The following PADI4 variants were observed in gnomAD, a reference collection of about 807,000 sequenced individuals.
The protein encoded by PADI4 is protein-arginine deiminase type-4.
Under a neutral mutation model 75.0 loss-of-function variants are expected in PADI4, and 62 were observed. The ratio of observed to expected loss-of-function variants is 0.83; its 90% CI spans 0.67 to 1.02. The LOEUF (loss-of-function observed/expected upper bound fraction) is 1.02, where lower values mean the gene tolerates loss of function less well. Ranked by LOEUF, PADI4 falls within the 50% of genes least tolerant of loss-of-function variation. The probability of loss-of-function intolerance (pLI) is 0.00; values close to 1 mark genes in which losing one functional copy is unlikely to be tolerated. For synonymous variants in PADI4, 361 were observed against 348.1 expected, an observed-to-expected ratio of 1.04 and a Z score of -0.41; for missense variants, 845 against 850.5, an observed-to-expected ratio of 0.99 and a Z score of 0.08.
At chr1:17,331,170 G>C (rs771963718) in intron 2 of PADI4, 21 bp downstream of exon 2, 2 of 1,600,156 alleles carry the variant, frequency 1.2e-6, no homozygotes, top group South Asian at 2.2e-5. Flanking sequence ...TAGCTGTGGG[G>C]TGGCAGTGTG....
rs758140461 is a variant in PADI4 at position 17,340,050 on chromosome 1, G to GCACA, written c.652+238_652+239insACAC. 4.3e-3 allele frequency among the ~76,000 whole-genome samples: 637 copies of GCACA among 148,724 alleles called. 2 individuals are homozygous for GCACA. Among genetic ancestry groups the GCACA allele is most frequent in the African/African-American group, 0.011 (463 of 40,476 alleles). On this transcript the variant is annotated intron_variant, in intron 6 of 15. Coordinates refer to ENST00000375448, the MANE Select transcript of PADI4 (RefSeq NM_012387.3). ...CTTTCTCTCTCTCTCACACACGCGC[G>GCACA]CGCACACACACACACACACACACAC...
chr1:17,342,190 G>A lies in PADI4; in HGVS notation c.831+69G>A, dbSNP rs974509387. The A allele has an allele frequency of 2.6e-6, 4 of 1,521,514 alleles. No homozygotes were observed. In the Admixed American group the frequency reaches 5.0e-5, roughly 19 times the overall value. 94.3% of individuals were successfully genotyped at this position (1,521,514 alleles called of 1,614,324 possible). A position where few individuals can be genotyped will look rare whatever the true frequency, so the allele number is the denominator to read the frequency against. On this transcript the variant is annotated intron_variant, in intron 7 of 15. Coordinates refer to ENST00000375448, the MANE Select transcript of PADI4 (RefSeq NM_012387.3). The stretch of plus-strand genomic sequence containing the variant: ...GGCAGTGGCCTGGCTAGGGAAAGGG[G>A]TACAGAGCCCAGCTGGGCAGGGGGA...
At chr1:17,338,215 G>A (rs2074352308) in intron 5 of PADI4, 60 bp downstream of exon 5, 3 of 1,037,504 alleles carry the variant, frequency 2.9e-6, no homozygotes, top group Non-Finnish European at 4.6e-6. Flanking sequence ...TGCCCACATA[G>A]CCTGAACCTG....
At chr1:17,337,212 G>T (rs1001531634) in intron 4 of PADI4, among the ~76,000 whole-genome samples, 1 of 152,082 alleles carries the variant, frequency 6.6e-6, no homozygotes, top group East Asian at 1.9e-4. Context: ...GGAGTGCAGG[G>T]GCGGTTCACC....
intron 15 of PADI4, among the ~76,000 whole-genome samples, chr1:17,360,146 A>T (rs1460150197): frequency 1.3e-5 from 2 of 152,078 alleles, no homozygotes; most frequent in Non-Finnish European, 2.9e-5. Flanking sequence ...CGAAAATTAG[A>T]CAGGTGTCCT....
intron 5 of PADI4, among the ~76,000 whole-genome samples, 186 bp downstream of exon 5, chr1:17,338,341 G>A (rs1635584): frequency 0.63 from 95,833 of 152,024 alleles, 30,470 homozygotes; most frequent in Non-Finnish European, 0.67. Context: ...CCAAGCTCAC[G>A]CAGCGGTCAG....
Position 17,340,052 on chromosome 1 carries a change from G to GCACACA in PADI4, c.652+261_652+266dup, listed in dbSNP as rs937935130. On this transcript the variant is annotated intron_variant, in intron 6 of 15. Transcript: ENST00000375448. Reference sequence around the variant, plus strand: ...TTCTCTCTCTCTCACACACGCGCGCGCACACACACACACACACACACACAC... The same window carrying GCACACA: ...TTCTCTCTCTCTCACACACGCGCGCGCACACACACACACACACACACACACACACAC... Among the ~76,000 whole-genome samples the GCACACA allele has an allele frequency of 1.1e-4, 11 of 98,370 alleles. 2 individuals are homozygous for GCACACA. Among genetic ancestry groups the GCACACA allele is most frequent in the African/African-American group, 2.8e-4 (8 of 28,560 alleles). 64.5% of individuals were successfully genotyped at this position (98,370 alleles called of 152,430 possible).
chr1:17,342,088 C>T lies in PADI4; in HGVS notation c.798C>T (p.Thr266=). 3 of 1,614,070 alleles carry T rather than the reference C, an allele frequency of 1.9e-6. No individual in the cohort carries two copies. Among genetic ancestry groups the T allele is most frequent in the Non-Finnish European group, 2.5e-6 (3 of 1,180,004 alleles). Residue 266 remains threonine, a synonymous_variant, in exon 7 of 16, where the codon ACC becomes ACT. Transcript: ENST00000375448. ...FPDTDFPGLI[T]LTISLLDTSN... ...ACACCGACTTCCCGGGGCTCATTACCCTCACCATCTCCCTGCTGGACACGT... is the reference window on the plus strand; with the variant it reads ...ACACCGACTTCCCGGGGCTCATTACTCTCACCATCTCCCTGCTGGACACGT...
intron 1 of PADI4, among the ~76,000 whole-genome samples, chr1:17,318,754 T>C (rs1472730000): frequency 6.6e-6 from 1 of 151,584 alleles, no homozygotes; most frequent in African/African-American, 2.4e-5. Flanking sequence ...GGCGCGATCT[T>C]GGCTCACTGC....
chr1:17,334,339 G>C (rs535608195), intron 3 of PADI4: 2 of 408,100 alleles, frequency 4.9e-6, no homozygotes, highest in East Asian at 1.5e-4. Flanking sequence ...GTCTCACCCT[G>C]TCACCCAGGC....
chr1:17,317,434 A>T (rs575288857), intron 1 of PADI4, among the ~76,000 whole-genome samples: 1 of 150,688 alleles, frequency 6.6e-6, no homozygotes, highest in South Asian at 2.1e-4. Context: ...ACACCTGGCT[A>T]ATTTTTTTGT....
At chr1:17,329,254 A>G (rs1382867296) in intron 1 of PADI4, among the ~76,000 whole-genome samples, 3 of 150,868 alleles carry the variant, frequency 2.0e-5, no homozygotes, top group African/African-American at 4.9e-5. Flanking sequence ...TGAACCCAGG[A>G]GGCAGAGCTT....
rs543476865 is a variant in PADI4 at position 17,356,854 on chromosome 1, A to G, written c.1558+395A>G. The stretch of plus-strand genomic sequence containing the variant: ...GACGGGGGTGGGGCGGCTCAGAGGC[A>G]GGAGAAAGCACGATGTGTGTGAGGA... On this transcript the variant is annotated intron_variant, in intron 13 of 15. Coordinates refer to ENST00000375448, the MANE Select transcript of PADI4 (RefSeq NM_012387.3). The surrounding 1 kb of genome is among the most constrained non-coding windows in gnomAD (Gnocchi z 4.1). Among the ~76,000 whole-genome samples, 1 of 152,222 alleles carries G rather than the reference A, an allele frequency of 6.6e-6. No homozygotes were observed. Among genetic ancestry groups the G allele is most frequent in the South Asian group, 2.1e-4 (1 of 4,816 alleles).
At chr1:17,320,478 C>T (rs992071564) in intron 1 of PADI4, among the ~76,000 whole-genome samples, 5 of 152,196 alleles carry the variant, frequency 3.3e-5, no homozygotes, top group Admixed American at 2.6e-4. Context: ...TGATTATATG[C>T]TAAACAAGGG....
chr1:17,357,893 T>C lies in PADI4; in HGVS notation c.1559-945T>C, dbSNP rs1454385220. On this transcript the variant is annotated intron_variant, in intron 13 of 15. Coordinates refer to ENST00000375448, the MANE Select transcript of PADI4 (RefSeq NM_012387.3). ...TTGCAGTGAGCCAAGAATGTGCCAC[T>C]GCACTCTAGCCTGGGTGACAGAGCA... Among the ~76,000 whole-genome samples the C allele has an allele frequency of 2.7e-5, 4 of 145,696 alleles. No individual in the cohort carries two copies. The East Asian group carries it at 8.1e-4, about 30-fold the overall frequency.
intron 1 of PADI4, among the ~76,000 whole-genome samples, chr1:17,325,443 T>C (rs1466886763): frequency 6.6e-6 from 1 of 152,058 alleles, no homozygotes; most frequent in Non-Finnish European, 1.5e-5. Flanking sequence ...TTATTGCTGA[T>C]GTATAGAAAT....
rs1570068713 is a variant in PADI4, at chr1:17,347,695, G to A, written c.1048-246G>A. Reference sequence around the variant, plus strand: ...TGCTCACCAGGGGTCCCCAGCACTGGCCCAGGCACCACCAGGAGTAGGAGG... The same window carrying A: ...TGCTCACCAGGGGTCCCCAGCACTGACCCAGGCACCACCAGGAGTAGGAGG... On this transcript the variant is annotated intron_variant, in intron 9 of 15. Coordinates refer to ENST00000375448, the MANE Select transcript of PADI4 (RefSeq NM_012387.3). 3.3e-5 allele frequency among the ~76,000 whole-genome samples: 5 copies of A among 152,264 alleles called. 1 individual carries two copies. The highest frequency in any genetic ancestry group is 3.3e-4 in the Admixed American group (5 of 15,292).
intron 1 of PADI4, among the ~76,000 whole-genome samples, chr1:17,322,151 G>T (rs2074040307): frequency 6.6e-6 from 1 of 152,118 alleles, no homozygotes; most frequent in Non-Finnish European, 1.5e-5. Flanking sequence ...CCTTTGTCCT[G>T]TACCTGTAAA....
In PADI4 at chr1:17,345,297, T is replaced by C. The variant is rs545241891; in HGVS notation, c.936-731T>C. On this transcript the variant is annotated intron_variant, in intron 8 of 15. Coordinates refer to ENST00000375448, the MANE Select transcript of PADI4 (RefSeq NM_012387.3). ...GTATCTAGGAAGTAACTAGCTTGCT[T>C]TTGATTTTACAGGCTCATAGGAGGA... Among the ~76,000 whole-genome samples the C allele has an allele frequency of 3.3e-5, 5 of 152,286 alleles. No individual in the cohort carries two copies. The South Asian group carries it at 1.0e-3, about 32-fold the overall frequency.
Sources: gnomAD v4.1 joint callset for allele counts (sites outside exome capture counted in the v4.1 genomes callset) on GRCh38, gnomAD v4.1.1 for gene constraint, Gnocchi (gnomAD v3.1) non-coding constraint, MANE v1.5 for transcripts, NCBI Gene and HGNC (gene_info 2026-07-23, HGNC 2026-07-21) for gene names.